Variants in TMEM233 observed in about 807,000 individuals in gnomAD.
TMEM233 encodes dispanin subfamily B member 2.
TMEM233 carries 6 observed loss-of-function variants against 11.2 expected under a neutral mutation model. That is an observed-to-expected ratio of 0.54 (90% CI 0.29 to 1.06). TMEM233 has a LOEUF of 1.06. Ranked by LOEUF, TMEM233 falls within the 50% of genes least tolerant of loss-of-function variation. The pLI, the probability that TMEM233 is intolerant of heterozygous loss-of-function variation, is 0.08. For synonymous variants in TMEM233, 59 were observed against 55.8 expected (o/e 1.06, Z -0.26); for missense variants, 127 against 144.7 (o/e 0.88, Z 0.63).
At chr12:119,617,528 T>C (rs1005578772) in intron 1 of TMEM233, among the ~76,000 whole-genome samples, 17 of 152,022 alleles carry the variant, frequency 1.1e-4, no homozygotes, top group African/African-American at 3.4e-4. Context: ...TGCAGCCCGA[T>C]GATGTGATAG....
chr12:119,611,944 CT>C (rs1175934229), intron 1 of TMEM233, among the ~76,000 whole-genome samples: 1 of 152,074 alleles, frequency 6.6e-6, no homozygotes, highest in African/African-American at 2.4e-5. Flanking sequence ...TGTTGGGCCA[CT>C]TTACCGCCAT....
chr12:119,605,957 G>A (rs560401163), intron 1 of TMEM233, among the ~76,000 whole-genome samples: 1 of 152,194 alleles, frequency 6.6e-6, no homozygotes, highest in South Asian at 2.1e-4. Flanking sequence ...GAAGAGAGAC[G>A]AGCATGAATG....
rs1953992662 is a variant in TMEM233 at position 119,594,550 on chromosome 12, T to A, written c.186+516T>A. ...TCTCAGCCTGTGCTCCCTTCTCTCTTTGCTGCGCCCAAGGGCACCGCTTCC... is the reference window on the plus strand; with the variant it reads ...TCTCAGCCTGTGCTCCCTTCTCTCTATGCTGCGCCCAAGGGCACCGCTTCC... On this transcript the variant is annotated intron_variant, in intron 1 of 2. Coordinates refer to ENST00000426426, the MANE Select transcript of TMEM233 (RefSeq NM_001136534.3). This position sits in a 1 kb window ranked among gnomAD's most constrained non-coding sequence, Gnocchi z 5.6. The A allele has an allele frequency of 6.5e-6, 1 of 153,336 alleles. No individual in the cohort carries two copies. Among genetic ancestry groups the A allele is most frequent in the Non-Finnish European group, 1.4e-5 (1 of 68,966 alleles). The allele number at this position is 153,336 out of a possible 1,614,324, so 9.5% of individuals were successfully genotyped here. A position where few individuals can be genotyped will look rare whatever the true frequency, so the allele number is the denominator to read the frequency against.
intron 2 of TMEM233, among the ~76,000 whole-genome samples, chr12:119,639,869 C>T (rs1308019855): frequency 6.6e-6 from 1 of 152,160 alleles, no homozygotes; most frequent in African/African-American, 2.4e-5. Context: ...GGTATTATTA[C>T]TATCATCAGC....
chr12:119,646,929 C>T (rs1298719945), downstream of TMEM233, among the ~76,000 whole-genome samples: 2 of 152,218 alleles, frequency 1.3e-5, no homozygotes, highest in Admixed American at 6.5e-5. Flanking sequence ...CTACATCTTG[C>T]TTTGACATCC....
intron 2 of TMEM233, among the ~76,000 whole-genome samples, chr12:119,632,897 C>G (rs1420177597): frequency 6.6e-6 from 1 of 152,164 alleles, no homozygotes; most frequent in East Asian, 1.9e-4. Flanking sequence ...TTTCAAAGAT[C>G]AGTTTGCTCA....
At chr12:119,610,430 A>G (rs771854391) in intron 1 of TMEM233, among the ~76,000 whole-genome samples, 4 of 152,160 alleles carry the variant, frequency 2.6e-5, no homozygotes, top group African/African-American at 4.8e-5. Flanking sequence ...ATGTGAGGAC[A>G]TGAGATTTGG....
intron 1 of TMEM233, among the ~76,000 whole-genome samples, chr12:119,604,998 CTTT>C (rs1555264652): frequency 7.1e-6 from 1 of 141,446 alleles, no homozygotes; most frequent in Non-Finnish European, 1.5e-5. Flanking sequence ...CCCTCACTAT[CTTT>C]TTTTTTTTTT....
chr12:119,636,787 G>A (rs1954976365), intron 2 of TMEM233, among the ~76,000 whole-genome samples: 1 of 152,212 alleles, frequency 6.6e-6, no homozygotes, highest in Admixed American at 6.5e-5. Flanking sequence ...CTAATACAGT[G>A]GAGCTTCATG....
chr12:119,629,446 C>T (rs1367327799), intron 1 of TMEM233, among the ~76,000 whole-genome samples: 14 of 152,190 alleles, frequency 9.2e-5, no homozygotes, highest in South Asian at 2.1e-4. Flanking sequence ...AGACGATGAC[C>T]CCTGCCCACG....
At chr12:119,643,126 T>C (rs551855147), downstream of TMEM233, 19 of 152,336 alleles carry the variant, frequency 1.2e-4, no homozygotes, top group African/African-American at 4.6e-4. Flanking sequence ...TCCAGAGATT[T>C]CCGTAACCAA....
In TMEM233 at chr12:119,608,023, A is replaced by T. The variant is rs1954318239; in HGVS notation, c.186+13989A>T. Among the ~76,000 whole-genome samples the T allele has an allele frequency of 2.0e-5, 3 of 152,226 alleles. No individual in the cohort carries two copies. The South Asian group carries it at 6.2e-4, about 32-fold the overall frequency. On this transcript the variant is annotated intron_variant, in intron 1 of 2. Transcript: ENST00000426426. ...TTCTGATATTTTATTCTAGTCTTGA[A>T]GATCATTGAGGACAGAGAAACTACA...
chr12:119,601,729 A>T (rs7311779), intron 1 of TMEM233, among the ~76,000 whole-genome samples: 51,460 of 151,222 alleles, frequency 0.34, 9,349 homozygotes, highest in African/African-American at 0.41. Context: ...TGCAACTTCA[A>T]TTCTAGACAC....
intron 1 of TMEM233, among the ~76,000 whole-genome samples, chr12:119,605,616 T>C (rs1954264568): frequency 6.6e-6 from 1 of 151,730 alleles, no homozygotes; most frequent in Admixed American, 6.6e-5. Context: ...ATTTATTGTA[T>C]AGATGGTTCA....
chr12:119,621,419 G>A (rs1216883270), intron 1 of TMEM233, among the ~76,000 whole-genome samples: 1 of 152,116 alleles, frequency 6.6e-6, no homozygotes, highest in Admixed American at 6.6e-5. Flanking sequence ...CTGGACTCAA[G>A]CGATCCTCCT....
At chr12:119,635,213 G>A (rs1954948205) in intron 2 of TMEM233, among the ~76,000 whole-genome samples, 2 of 152,242 alleles carry the variant, frequency 1.3e-5, no homozygotes, top group Middle Eastern at 3.4e-3. Context: ...ACTCAAGCAA[G>A]GTTAGGTTAT....
At chr12:119,606,667 G>C (rs1423132423) in intron 1 of TMEM233, among the ~76,000 whole-genome samples, 1 of 152,076 alleles carries the variant, frequency 6.6e-6, no homozygotes, top group Non-Finnish European at 1.5e-5. Flanking sequence ...GCCTCACCAA[G>C]AGATTAAAAT....
downstream of TMEM233, among the ~76,000 whole-genome samples, chr12:119,644,138 A>T (rs1245273002): frequency 6.6e-6 from 1 of 152,226 alleles, no homozygotes; most frequent in Non-Finnish European, 1.5e-5. Flanking sequence ...CAAAATGGAT[A>T]CCAGTCATTA....
At chr12:119,629,992 G>A (rs1174055111) in intron 2 of TMEM233, 120 bp downstream of exon 2, 1 of 1,165,088 alleles carries the variant, frequency 8.6e-7, no homozygotes, top group Non-Finnish European at 1.2e-6. Flanking sequence ...GGGTTTTCAT[G>A]TTTTCTTCTC....
Sources: gnomAD v4.1 joint callset for allele counts (sites outside exome capture counted in the v4.1 genomes callset) on GRCh38, gnomAD v4.1.1 for gene constraint, Gnocchi (gnomAD v3.1) non-coding constraint, MANE v1.5 for transcripts, NCBI Gene and HGNC (gene_info 2026-07-23, HGNC 2026-07-21) for gene names.